Variants in RIMKLB observed in about 807,000 individuals in gnomAD.
The protein encoded by RIMKLB is ribosomal modification protein rimK like family member B, also known as beta-citrylglutamate synthase B.
In RIMKLB, 7 loss-of-function variants were observed where a neutral mutation model predicts 32.0. The observed-to-expected ratio is 0.22, with a 90% CI of 0.12 to 0.41. The LOEUF (loss-of-function observed/expected upper bound fraction) is 0.41, where lower values mean the gene tolerates loss of function less well. Among genes scored for constraint, RIMKLB ranks in the 10% least tolerant of loss-of-function variants. The probability of loss-of-function intolerance (pLI) is 1.00; values close to 1 mark genes in which losing one functional copy is unlikely to be tolerated. For missense variants in RIMKLB, 289 were observed against 498.7 expected (o/e 0.58, Z 4.00); for synonymous variants, 172 against 185.1 (o/e 0.93, Z 0.57).
Position 8,739,792 on chromosome 12 carries a change from G to A in RIMKLB, c.176-10070G>A, listed in dbSNP as rs545358678. ...TTGGCTTCTTGTCTCTTCTTATAAA[G>A]GCACTAATCCCATTGATGAGAGCTC... On this transcript the variant is annotated intron_variant, in intron 2 of 5. Coordinates refer to ENST00000535829, the MANE Select transcript of RIMKLB (RefSeq NM_001297776.2). 1.1e-3 allele frequency among the ~76,000 whole-genome samples: 168 copies of A among 152,224 alleles called. 1 individual carries two copies. The highest frequency in any genetic ancestry group is 1.8e-3 in the Admixed American group (27 of 15,298).
At chr12:8,688,527 C>T (rs1209485697) in intron 1 of RIMKLB, among the ~76,000 whole-genome samples, 1 of 152,186 alleles carries the variant, frequency 6.6e-6, no homozygotes, top group Non-Finnish European at 1.5e-5. Flanking sequence ...GATATAGGCA[C>T]TGCATACTTT....
At chr12:8,713,307 T>C (rs1216471546) in intron 1 of RIMKLB, among the ~76,000 whole-genome samples, 5 of 152,140 alleles carry the variant, frequency 3.3e-5, no homozygotes, top group South Asian at 4.1e-4. Context: ...TACCTATTTT[T>C]TTTTTCTACA....
intron 1 of RIMKLB, among the ~76,000 whole-genome samples, chr12:8,698,891 T>C (rs1426078011): frequency 2.0e-5 from 3 of 152,092 alleles, no homozygotes; most frequent in Admixed American, 6.5e-5. Flanking sequence ...AATAATTGCT[T>C]GTCCAGTTTT....
At chr12:8,688,029 G>A (rs916207955) in intron 1 of RIMKLB, among the ~76,000 whole-genome samples, 1 of 152,168 alleles carries the variant, frequency 6.6e-6, no homozygotes, top group Non-Finnish European at 1.5e-5. Flanking sequence ...GAAAGGGGTG[G>A]AGAATGCACT....
the RIMKLB span, among the ~76,000 whole-genome samples, chr12:8,675,199 C>T: frequency 6.6e-6 from 1 of 152,276 alleles, no homozygotes; most frequent in South Asian, 2.1e-4. Context: ...CACAGAAGAA[C>T]CTCTTTGTTG....
chr12:8,683,634 T>G (rs1350442684), intron 1 of RIMKLB, among the ~76,000 whole-genome samples: 1 of 152,240 alleles, frequency 6.6e-6, no homozygotes, highest in Admixed American at 6.5e-5. Context: ...TTGTATTATT[T>G]TAAATAATAT....
At chr12:8,744,868 T>C (rs912560904) in intron 2 of RIMKLB, among the ~76,000 whole-genome samples, 1 of 151,854 alleles carries the variant, frequency 6.6e-6, no homozygotes, top group Non-Finnish European at 1.5e-5. Context: ...TATTGTACTT[T>C]AAGTTCTAGG....
intron 2 of RIMKLB, among the ~76,000 whole-genome samples, chr12:8,743,773 T>C (rs1379716286): frequency 6.6e-6 from 1 of 151,904 alleles, no homozygotes; most frequent in African/African-American, 2.4e-5. Context: ...CCCCACCCCA[T>C]TGCTGTTCGA....
At chr12:8,754,892 C>T (rs890856215) in intron 5 of RIMKLB, among the ~76,000 whole-genome samples, 6 of 152,080 alleles carry the variant, frequency 3.9e-5, no homozygotes, top group African/African-American at 1.4e-4. Flanking sequence ...CAGGCTCAAG[C>T]GATCCTCCTG....
intron 2 of RIMKLB, among the ~76,000 whole-genome samples, chr12:8,722,068 G>C (rs867854430): frequency 3.9e-5 from 6 of 152,098 alleles, no homozygotes; most frequent in Non-Finnish European, 7.4e-5. Context: ...ATGGCATCTA[G>C]AATGATGAAT....
At chr12:8,778,919 G>A (rs1950886850), downstream of RIMKLB, 1 of 152,204 alleles carries the variant, frequency 6.6e-6, no homozygotes, top group Admixed American at 6.5e-5. Flanking sequence ...GAAGACATGT[G>A]ATAAGTGATT....
the RIMKLB span, among the ~76,000 whole-genome samples, chr12:8,669,712 C>G: frequency 4.6e-5 from 7 of 151,772 alleles, no homozygotes; most frequent in Admixed American, 4.6e-4. Context: ...AGGGACAGGA[C>G]AGAAGGAAGA....
chr12:8,760,615 G>A (rs990724351), intron 5 of RIMKLB, among the ~76,000 whole-genome samples: 3 of 152,136 alleles, frequency 2.0e-5, no homozygotes, highest in African/African-American at 7.2e-5. Context: ...GTTGTTTCCT[G>A]ACTTTTTAAT....
rs1950734218 is a variant in RIMKLB at position 8,776,487 on chromosome 12, A to G, written c.*2703A>G. 2 of 716,718 alleles carry G rather than the reference A, an allele frequency of 2.8e-6. No individual in the cohort carries two copies. The highest frequency in any genetic ancestry group is 3.4e-6 in the Non-Finnish European group (2 of 585,076). The allele number at this position is 716,718 out of a possible 1,614,324, so 44.4% of individuals were successfully genotyped here. On this transcript the variant is annotated 3_prime_UTR_variant, in exon 6 of 6. Transcript: ENST00000535829. ...ATTGCTATTATGAGAGAGAATGTAT[A>G]TATCAAATATGTGTAATGATAAAAT...
intron 2 of RIMKLB, among the ~76,000 whole-genome samples, chr12:8,739,192 G>T (rs1947275683): frequency 6.6e-6 from 1 of 152,122 alleles, no homozygotes; most frequent in East Asian, 1.9e-4. Flanking sequence ...CTGGAGGCTG[G>T]TAAGTTCGAT....
chr12:8,705,476 CAAA>C (rs10607711), intron 1 of RIMKLB, among the ~76,000 whole-genome samples: 11 of 105,328 alleles, frequency 1.0e-4, no homozygotes, highest in Admixed American at 5.2e-4. Flanking sequence ...GACTCCATCT[CAAA>C]AAAAAAAAAA....
At chr12:8,765,216 T>C (rs780968000) in intron 5 of RIMKLB, among the ~76,000 whole-genome samples, 5 of 152,096 alleles carry the variant, frequency 3.3e-5, no homozygotes, top group Non-Finnish European at 2.9e-5. Flanking sequence ...CCCTGTGTTA[T>C]AGTGGACATC....
chr12:8,714,594 AATG>A (rs1376613086), intron 2 of RIMKLB, among the ~76,000 whole-genome samples: 2 of 152,196 alleles, frequency 1.3e-5, no homozygotes, highest in South Asian at 2.1e-4. Flanking sequence ...AAAGTGTCTT[AATG>A]ATTTAACTCA....
chr12:8,775,202 A>G lies in RIMKLB; in HGVS notation c.*1418A>G. 4.1e-6 allele frequency: 4 copies of G among 985,436 alleles called. No homozygotes were observed. Among genetic ancestry groups the G allele is most frequent in the Non-Finnish European group, 3.6e-6 (3 of 829,802 alleles). The allele number at this position is 985,436 out of a possible 1,614,324, so 61.0% of individuals were successfully genotyped here. On this transcript the variant is annotated 3_prime_UTR_variant, in exon 6 of 6. Transcript: ENST00000535829. ...CTGGCTATGCATTTTCTCTTTTTAC[A>G]TATAGGATTTGGGATTGGGGGTGGG... is the stretch of plus-strand genomic sequence containing the variant.
Sources: gnomAD v4.1 joint callset for allele counts (sites outside exome capture counted in the v4.1 genomes callset) on GRCh38, gnomAD v4.1.1 for gene constraint, MANE v1.5 for transcripts, NCBI Gene and HGNC (gene_info 2026-07-23, HGNC 2026-07-21) for gene names.